Variants in KDM4A observed in about 807,000 individuals in gnomAD.
KDM4A encodes lysine demethylase 4A.
KDM4A carries 23 observed loss-of-function variants against 127.1 expected under a neutral mutation model. The ratio of observed to expected loss-of-function variants is 0.18; its 90% CI spans 0.13 to 0.26. The LOEUF (loss-of-function observed/expected upper bound fraction) is 0.26, where lower values mean the gene tolerates loss of function less well. Ranked by LOEUF, KDM4A falls within the 10% of genes least tolerant of loss-of-function variation. KDM4A has a pLI of 1.00. For synonymous variants in KDM4A, 443 were observed against 466.5 expected, an observed-to-expected ratio of 0.95 and a Z score of 0.65; for missense variants, 890 against 1,329.1, an observed-to-expected ratio of 0.67 and a Z score of 5.14.
chr1:43,683,817 T>G lies in KDM4A; in HGVS notation c.1855+13T>G. ...GTCAGTGATGATGGTAAGTGTTGTT[T>G]TTTCTTCACCAGGAGGAAAGCAGCT... is the stretch of plus-strand genomic sequence containing the variant. On this transcript the variant is annotated intron_variant, in intron 12 of 21. Transcript: ENST00000372396. 6.2e-7 allele frequency: 1 copy of G among 1,613,094 alleles called. No individual in the cohort carries two copies. Among genetic ancestry groups the G allele is most frequent in the Non-Finnish European group, 8.5e-7 (1 of 1,179,680 alleles).
chr1:43,703,054 T>C (rs1661443275), intron 19 of KDM4A, among the ~76,000 whole-genome samples: 1 of 150,964 alleles, frequency 6.6e-6, no homozygotes, highest in Non-Finnish European at 1.5e-5. Flanking sequence ...ACCATTCTCC[T>C]GCCTCAGACT....
At chr1:43,703,961 G>A (rs1661476596) in intron 20 of KDM4A, 59 bp from the exon 21 acceptor site, 1 of 1,472,476 alleles carries the variant, frequency 6.8e-7, no homozygotes, top group South Asian at 1.1e-5. Context: ...CACTGTGCAT[G>A]GTGGACCAGG....
chr1:43,670,676 A>G (rs1390171776), intron 10 of KDM4A, among the ~76,000 whole-genome samples: 1 of 146,284 alleles, frequency 6.8e-6, no homozygotes, highest in Admixed American at 7.2e-5. Flanking sequence ...TGATTCTCCT[A>G]CCTCAGCCTC....
intron 18 of KDM4A, among the ~76,000 whole-genome samples, chr1:43,697,087 G>A (rs1391988581): frequency 6.6e-6 from 1 of 152,252 alleles, no homozygotes. Context: ...TGGGATGGGA[G>A]TCAGTGTGCA....
At chr1:43,673,039 CAT>C (rs1028228177) in intron 11 of KDM4A, among the ~76,000 whole-genome samples, 5 of 152,220 alleles carry the variant, frequency 3.3e-5, no homozygotes, top group Admixed American at 2.6e-4. Flanking sequence ...TAAACACGAA[CAT>C]GTGTGTTCAG....
chr1:43,668,058 G>A (rs1341821710), intron 9 of KDM4A, 39 bp downstream of exon 9: 1 of 1,610,646 alleles, frequency 6.2e-7, no homozygotes, highest in Admixed American at 1.7e-5. Context: ...GCGTGAGGGA[G>A]GGATGTCTGG....
chr1:43,677,245 T>C (rs1660761563), intron 11 of KDM4A, among the ~76,000 whole-genome samples: 1 of 150,454 alleles, frequency 6.6e-6, no homozygotes, highest in South Asian at 2.1e-4. Context: ...CTCAGGAGGC[T>C]GAGGCAGGAG....
At chr1:43,685,914 T>C (rs1486178564) in intron 12 of KDM4A, among the ~76,000 whole-genome samples, 1 of 152,170 alleles carries the variant, frequency 6.6e-6, no homozygotes, top group African/African-American at 2.4e-5. Flanking sequence ...TCAGGTTCTC[T>C]GGGTAGCACC....
Position 43,694,073 on chromosome 1 carries a change from A to G in KDM4A, c.2455A>G (p.Ser819Gly). 2 of 1,614,172 alleles carry G rather than the reference A, an allele frequency of 1.2e-6. No individual in the cohort carries two copies. Among genetic ancestry groups the G allele is most frequent in the Non-Finnish European group, 1.7e-6 (2 of 1,179,990 alleles). Residue 819 changes from serine to glycine, a missense_variant, in exon 17 of 22, where the codon AGC becomes GGC. By Grantham distance (56) the Ser-to-Gly change is moderately conservative (BLOSUM62 0). Coordinates refer to ENST00000372396, the MANE Select transcript of KDM4A (RefSeq NM_014663.3). This position sits in a 1 kb window ranked among gnomAD's most constrained non-coding sequence, Gnocchi z 5.2. ...NIAERSPVDVSKIPLPRFKLK... is the reference protein window; with the variant it reads ...NIAERSPVDVGKIPLPRFKLK... Reference sequence around the variant, plus strand: ...TGCAGAAAGAAGTCCGGTGGATGTGAGCAAAATCCCCCTGCCCCGCTTCAA... The same window carrying G: ...TGCAGAAAGAAGTCCGGTGGATGTGGGCAAAATCCCCCTGCCCCGCTTCAA...
At chr1:43,665,099 T>C (rs912517197) in intron 5 of KDM4A, among the ~76,000 whole-genome samples, 3 of 152,250 alleles carry the variant, frequency 2.0e-5, no homozygotes, top group African/African-American at 7.2e-5. Flanking sequence ...TTTTTACTTT[T>C]CATTTTTTAG....
chr1:43,655,868 C>T (rs1660225021), intron 3 of KDM4A, 102 bp downstream of exon 3: 9 of 952,566 alleles, frequency 9.4e-6, no homozygotes, highest in Middle Eastern at 2.9e-4. Flanking sequence ...ACAGTGTCTT[C>T]AGCAGGATGG....
At chr1:43,670,223 A>G (rs1262715996) in intron 10 of KDM4A, among the ~76,000 whole-genome samples, 1 of 152,158 alleles carries the variant, frequency 6.6e-6, no homozygotes, top group African/African-American at 2.4e-5. Flanking sequence ...AAAGGCTTGT[A>G]TCTGTCTTGG....
intron 1 of KDM4A, among the ~76,000 whole-genome samples, chr1:43,652,681 T>TTC (rs200954213): frequency 2.7e-4 from 20 of 73,568 alleles, no homozygotes; most frequent in African/African-American, 7.8e-4. Context: ...CTTTCTTTCT[T>TTC]TTTTTTTTTT....
chr1:43,668,097 T>G (rs35073754), intron 9 of KDM4A, 78 bp downstream of exon 9: 1 of 1,536,450 alleles, frequency 6.5e-7, no homozygotes, highest in Non-Finnish European at 8.8e-7. Context: ...GGAGAGGCTG[T>G]TTCTTGTTTT....
chr1:43,660,552 C>T, intron 4 of KDM4A, 140 bp downstream of exon 4: 2 of 1,259,704 alleles, frequency 1.6e-6, no homozygotes, highest in Non-Finnish European at 2.1e-6. Flanking sequence ...GCTGATGTTG[C>T]TGTGCTGGCC....
intron 16 of KDM4A, among the ~76,000 whole-genome samples, 153 bp downstream of exon 16, chr1:43,692,464 A>T (rs1462646939): frequency 6.6e-6 from 1 of 152,214 alleles, no homozygotes; most frequent in East Asian, 1.9e-4. Flanking sequence ...GACTCATTTT[A>T]AAAATGGAAT....
chr1:43,695,008 G>A (rs1570872823), intron 18 of KDM4A, 114 bp downstream of exon 18: 1 of 1,004,320 alleles, frequency 1.0e-6, no homozygotes, highest in Non-Finnish European at 1.4e-6. Context: ...GCATTATGAA[G>A]AGTGCTAATG....
intron 11 of KDM4A, among the ~76,000 whole-genome samples, chr1:43,674,398 G>A (rs976368748): frequency 6.6e-6 from 1 of 152,040 alleles, no homozygotes; most frequent in African/African-American, 2.4e-5. Flanking sequence ...CTCTCAATTC[G>A]GAACTATTTA....
chr1:43,669,027 G>T, intron 9 of KDM4A, 73 bp from the exon 10 acceptor site: 1 of 1,495,870 alleles, frequency 6.7e-7, no homozygotes, highest in Non-Finnish European at 9.3e-7. Flanking sequence ...GGTTGTGTGT[G>T]GATGTGTATG....
Sources: allele counts gnomAD v4.1 joint callset (sites outside exome capture counted in the v4.1 genomes callset), GRCh38; gene constraint gnomAD v4.1.1; non-coding constraint Gnocchi (gnomAD v3.1); transcripts MANE v1.5; gene names NCBI Gene and HGNC (gene_info 2026-07-23, HGNC 2026-07-21).